The following GRM5 variants were observed in gnomAD, a reference collection of about 807,000 sequenced individuals.
The protein encoded by GRM5 is metabotropic glutamate receptor 5.
In GRM5, 19 loss-of-function variants were observed where a neutral mutation model predicts 83.1. That is an observed-to-expected ratio of 0.23 (90% CI 0.16 to 0.34). GRM5 has a LOEUF of 0.34. Among genes scored for constraint, GRM5 ranks in the 10% least tolerant of loss-of-function variants. The pLI is 1.00. For missense variants in GRM5, 1,160 were observed against 1,588.3 expected (o/e 0.73, Z 4.58); for synonymous variants, 675 against 633.6 (o/e 1.07, Z -0.98).
At chr11:88,931,953 T>G (rs748778344) in intron 2 of GRM5, among the ~76,000 whole-genome samples, 2 of 152,088 alleles carry the variant, frequency 1.3e-5, no homozygotes, top group Non-Finnish European at 2.9e-5. Context: ...TCTCATCTAT[T>G]AGGAGAAAGA....
chr11:88,960,096 AG>A (rs2134983154), intron 2 of GRM5, among the ~76,000 whole-genome samples: 1 of 152,330 alleles, frequency 6.6e-6, no homozygotes, highest in Non-Finnish European at 1.5e-5. Flanking sequence ...GATCTGAGGC[AG>A]ACTTGTGCTT....
chr11:89,011,200 CT>C (rs1335616392), intron 2 of GRM5, among the ~76,000 whole-genome samples: 3 of 151,840 alleles, frequency 2.0e-5, no homozygotes, highest in Non-Finnish European at 2.9e-5. Flanking sequence ...CTTTCGTTTT[CT>C]TTTTTTTCTT....
chr11:88,980,839 T>G (rs2135022751), intron 2 of GRM5, among the ~76,000 whole-genome samples: 1 of 151,886 alleles, frequency 6.6e-6, no homozygotes, highest in South Asian at 2.1e-4. Context: ...AATAAATAAA[T>G]AAAAATAAAA....
At chr11:88,554,484 C>T (rs112817293) in intron 8 of GRM5, among the ~76,000 whole-genome samples, 1 of 152,166 alleles carries the variant, frequency 6.6e-6, no homozygotes, top group Non-Finnish European at 1.5e-5. Flanking sequence ...TGATATTATT[C>T]TATCCTATTA....
chr11:88,924,814 T>C lies in GRM5; in HGVS notation c.662-74659A>G, dbSNP rs147144394. Reference sequence around the variant, plus strand: ...ATTAAATTTGCTAAGAAAGTAGATTTTAGGAACTCTCACCACACATAAGTC... The same window carrying C: ...ATTAAATTTGCTAAGAAAGTAGATTCTAGGAACTCTCACCACACATAAGTC... On this transcript the variant is annotated intron_variant, in intron 2 of 9. Transcript: ENST00000305447. Among the ~76,000 whole-genome samples the C allele has an allele frequency of 4.0e-3, 610 of 152,106 alleles. 5 individuals are homozygous for C. Among genetic ancestry groups the C allele is most frequent in the African/African-American group, 0.014 (596 of 41,548 alleles).
intron 7 of GRM5, among the ~76,000 whole-genome samples, chr11:88,589,663 C>G (rs1937606694): frequency 6.6e-6 from 1 of 152,196 alleles, no homozygotes; most frequent in Non-Finnish European, 1.5e-5. Flanking sequence ...GACAACCTGA[C>G]ATACCACATG....
chr11:88,549,003 A>G (rs116052453), intron 8 of GRM5, among the ~76,000 whole-genome samples: 1 of 152,342 alleles, frequency 6.6e-6, no homozygotes, highest in African/African-American at 2.4e-5. Context: ...CAATGGTACA[A>G]TATAACCTGA....
chr11:88,573,825 C>T (rs1461184873), intron 7 of GRM5, among the ~76,000 whole-genome samples: 1 of 152,176 alleles, frequency 6.6e-6, no homozygotes, highest in African/African-American at 2.4e-5. Flanking sequence ...CTTTACCTCT[C>T]TGGATTTGGA....
intron 4 of GRM5, among the ~76,000 whole-genome samples, chr11:88,650,232 C>G (rs1348527674): frequency 6.6e-6 from 1 of 151,420 alleles, no homozygotes; most frequent in Non-Finnish European, 1.5e-5. Flanking sequence ...AAAAAGAAAA[C>G]AAGTAGTAAA....
chr11:88,999,789 G>C (rs1940310751), intron 2 of GRM5, among the ~76,000 whole-genome samples: 1 of 152,150 alleles, frequency 6.6e-6, no homozygotes, highest in Non-Finnish European at 1.5e-5. Context: ...ACATGCACAT[G>C]TATGTTTATT....
At chr11:88,816,219 CAAAAAAAAAA>C (rs1183223330) in intron 3 of GRM5, among the ~76,000 whole-genome samples, 1 of 44,956 alleles carries the variant, frequency 2.2e-5, no homozygotes, top group Non-Finnish European at 4.0e-5. Flanking sequence ...GACTCCGTCT[CAAAAAAAAAA>C]AAAAAAAAAA....
intron 3 of GRM5, among the ~76,000 whole-genome samples, chr11:88,665,170 C>CACACACACAT (rs1421465585): frequency 6.6e-6 from 1 of 151,528 alleles, no homozygotes; most frequent in African/African-American, 2.4e-5. Flanking sequence ...TTTACACACA[C>CACACACACAT]ACACACACAC....
At chr11:88,828,093 G>T (rs530743659) in intron 3 of GRM5, among the ~76,000 whole-genome samples, 2 of 152,180 alleles carry the variant, frequency 1.3e-5, no homozygotes, top group African/African-American at 2.4e-5. Context: ...CAAAAGCCCT[G>T]AGGTGGAAGT....
chr11:88,826,688 C>G (rs1445293106), intron 3 of GRM5, among the ~76,000 whole-genome samples: 1 of 151,958 alleles, frequency 6.6e-6, no homozygotes, highest in East Asian at 1.9e-4. Flanking sequence ...CTTTAAAGCA[C>G]TAAATAAATA....
At position 88,834,945 on chromosome 11, in the gene GRM5, G is replaced by T. The variant is rs374500687; in HGVS notation, c.911+14961C>A. Among the ~76,000 whole-genome samples the T allele has an allele frequency of 3.3e-4, 50 of 152,156 alleles. No individual in the cohort carries two copies. The East Asian group carries it at 9.5e-3, about 29-fold the overall frequency. The stretch of plus-strand genomic sequence containing the variant: ...TTTTACTTAGGCTGACTGAGTTGAA[G>T]AGAACCGTTTTTCTGCCTCTCTATT... On this transcript the variant is annotated intron_variant, in intron 3 of 9. Coordinates refer to ENST00000305447, the MANE Select transcript of GRM5 (RefSeq NM_001143831.3).
chr11:88,829,067 A>G (rs1322355870), intron 3 of GRM5, among the ~76,000 whole-genome samples: 1 of 152,114 alleles, frequency 6.6e-6, no homozygotes, highest in Non-Finnish European at 1.5e-5. Flanking sequence ...TTAAAGACCA[A>G]CAATATTTAA....
At chr11:88,646,357 C>T (rs7944979) in intron 4 of GRM5, among the ~76,000 whole-genome samples, 134,487 of 151,538 alleles carry the variant, frequency 0.89, 60,503 homozygotes, top group Non-Finnish European at 0.98. Flanking sequence ...TTTTCCATAA[C>T]TGTGCCATTT....
intron 3 of GRM5, among the ~76,000 whole-genome samples, chr11:88,803,001 A>G (rs10765780): frequency 0.28 from 28,969 of 103,812 alleles, 5,781 homozygotes; most frequent in African/African-American, 0.54. Flanking sequence ...ACTCTTCAAG[A>G]AGAACTACAA....
At chr11:88,917,634 A>C (rs1321641093) in intron 2 of GRM5, among the ~76,000 whole-genome samples, 2 of 152,168 alleles carry the variant, frequency 1.3e-5, no homozygotes, top group East Asian at 3.9e-4. Context: ...TTTAACAAAG[A>C]GATTAAAATA....
Sources: allele counts gnomAD v4.1 joint callset (sites outside exome capture counted in the v4.1 genomes callset), GRCh38; gene constraint gnomAD v4.1.1; transcripts MANE v1.5; gene names NCBI Gene and HGNC (gene_info 2026-07-23, HGNC 2026-07-21).